Variants in EYS observed in about 807,000 individuals in gnomAD.
EYS encodes protein eyes shut homolog.
A neutral mutation model predicts 282.1 loss-of-function variants in EYS; 250 were observed. The ratio of observed to expected loss-of-function variants is 0.89; its 90% CI spans 0.80 to 0.98. EYS has a LOEUF of 0.98. Ranked by LOEUF, EYS falls within the 50% of genes least tolerant of loss-of-function variation. The probability of loss-of-function intolerance (pLI) is 0.00; values close to 1 mark genes in which losing one functional copy is unlikely to be tolerated. For synonymous variants in EYS, 1,355 were observed against 1,282.9 expected (o/e 1.06, Z -1.20); for missense variants, 4,016 against 3,709.0 (o/e 1.08, Z -2.15).
chr6:64,092,059 T>G lies in EYS; in HGVS notation c.6425-10057A>C, dbSNP rs1405657204. ...GAATGATGGTTTCCAAACTCATCCA[T>G]GTCCCTACAAAGCACATGAACTTAT... On this transcript the variant is annotated intron_variant, in intron 31 of 42. Coordinates refer to ENST00000503581, the MANE Select transcript of EYS (RefSeq NM_001142800.2). Among the ~76,000 whole-genome samples, 3 of 152,218 alleles carry G rather than the reference T, an allele frequency of 2.0e-5. No homozygotes were observed. The East Asian group carries it at 5.8e-4, about 29-fold the overall frequency.
chr6:64,825,544 A>C (rs1765028251), intron 19 of EYS, among the ~76,000 whole-genome samples: 1 of 151,874 alleles, frequency 6.6e-6, no homozygotes, highest in East Asian at 1.9e-4. Flanking sequence ...CAGAAATCCC[A>C]GCCTCTTCCC....
chr6:65,082,813 A>ACG (rs1774262296), intron 12 of EYS, among the ~76,000 whole-genome samples: 1 of 151,596 alleles, frequency 6.6e-6, no homozygotes, highest in Non-Finnish European at 1.5e-5. Context: ...TGATTTTTTC[A>ACG]CTGATATATG....
At chr6:64,824,544 C>G (rs1764993344) in intron 19 of EYS, among the ~76,000 whole-genome samples, 1 of 151,788 alleles carries the variant, frequency 6.6e-6, no homozygotes, top group South Asian at 2.1e-4. Flanking sequence ...CCAAAGACAC[C>G]ACCATTCTAA....
At chr6:65,686,829 G>A (rs1393783662) in intron 1 of EYS, among the ~76,000 whole-genome samples, 1 of 152,004 alleles carries the variant, frequency 6.6e-6, no homozygotes, top group African/African-American at 2.4e-5. Context: ...AATACCTGAA[G>A]CTGGGTATTG....
chr6:64,669,364 AG>A (rs1180026684), intron 22 of EYS, among the ~76,000 whole-genome samples: 7 of 152,054 alleles, frequency 4.6e-5, no homozygotes, highest in Non-Finnish European at 1.0e-4. Flanking sequence ...GATGCAAAAA[AG>A]AGAGAGAGAG....
chr6:64,996,493 T>G (rs1182182104), intron 14 of EYS, among the ~76,000 whole-genome samples: 1 of 152,128 alleles, frequency 6.6e-6, no homozygotes, highest in Non-Finnish European at 1.5e-5. Context: ...GAGACCAGCA[T>G]AGTGTCACAT....
At chr6:64,014,837 C>T (rs1273366903) in intron 33 of EYS, among the ~76,000 whole-genome samples, 1 of 151,356 alleles carries the variant, frequency 6.6e-6, no homozygotes, top group Non-Finnish European at 1.5e-5. Flanking sequence ...TCTAACTGTC[C>T]TTTCTATACC....
chr6:65,222,061 G>C (rs1169440577), intron 12 of EYS, among the ~76,000 whole-genome samples: 2 of 152,130 alleles, frequency 1.3e-5, no homozygotes, highest in African/African-American at 2.4e-5. Flanking sequence ...TAACTAACTT[G>C]CTTTTGATTT....
At chr6:65,504,636 G>A (rs1230851302) in intron 2 of EYS, among the ~76,000 whole-genome samples, 3 of 151,212 alleles carry the variant, frequency 2.0e-5, no homozygotes, top group Admixed American at 2.0e-4. Flanking sequence ...TATTTTTTCT[G>A]TGTCAGTTTA....
chr6:65,531,180 C>T (rs1185142533), intron 2 of EYS, among the ~76,000 whole-genome samples: 1 of 152,076 alleles, frequency 6.6e-6, no homozygotes, highest in East Asian at 1.9e-4. Flanking sequence ...TAAGGAATGC[C>T]ACAGAGTTCA....
At chr6:64,181,148 C>T (rs1314342703) in intron 31 of EYS, among the ~76,000 whole-genome samples, 1 of 152,060 alleles carries the variant, frequency 6.6e-6, no homozygotes, top group East Asian at 1.9e-4. Context: ...AAAACACTGA[C>T]AAAATATAGA....
At chr6:63,834,225 T>C (rs1168381036) in intron 36 of EYS, among the ~76,000 whole-genome samples, 8 of 152,044 alleles carry the variant, frequency 5.3e-5, no homozygotes, top group South Asian at 2.1e-4. Flanking sequence ...CTAATTAAAC[T>C]AAAGAGCTTC....
At chr6:65,321,186 A>T (rs1424116052) in intron 11 of EYS, among the ~76,000 whole-genome samples, 1 of 151,654 alleles carries the variant, frequency 6.6e-6, no homozygotes, top group Non-Finnish European at 1.5e-5. Flanking sequence ...ATTCTGAGAA[A>T]TGGATTAACA....
intron 26 of EYS, among the ~76,000 whole-genome samples, chr6:64,560,498 T>A (rs868657041): frequency 1.3e-5 from 2 of 152,082 alleles, no homozygotes; most frequent in South Asian, 2.1e-4. Context: ...ATATACACTT[T>A]CAATTCGCTT....
chr6:65,462,775 T>A (rs1427185324), intron 5 of EYS, among the ~76,000 whole-genome samples: 1 of 152,246 alleles, frequency 6.6e-6, no homozygotes, highest in Non-Finnish European at 1.5e-5. Flanking sequence ...GTGAGTTATA[T>A]GGCTTACATT....
At chr6:65,670,331 C>T (rs1428928369) in intron 1 of EYS, among the ~76,000 whole-genome samples, 3 of 152,012 alleles carry the variant, frequency 2.0e-5, no homozygotes, top group African/African-American at 7.2e-5. Flanking sequence ...TTTGGTTTCC[C>T]TTATCTCTTT....
chr6:64,641,649 T>A (rs1369555000), intron 22 of EYS, among the ~76,000 whole-genome samples: 1 of 152,154 alleles, frequency 6.6e-6, no homozygotes, highest in African/African-American at 2.4e-5. Flanking sequence ...AAAACTTTAC[T>A]GTGTAAGGCA....
At chr6:65,256,319 G>T (rs1767462934) in intron 12 of EYS, among the ~76,000 whole-genome samples, 3 of 134,108 alleles carry the variant, frequency 2.2e-5, no homozygotes, top group Admixed American at 1.5e-4. Context: ...TGCACATTGT[G>T]CAGGTTAGTT....
intron 39 of EYS, chr6:63,787,278 G>T (rs1330602145): frequency 6.6e-6 from 1 of 152,286 alleles, no homozygotes; most frequent in Non-Finnish European, 1.5e-5. Flanking sequence ...CAAGCACAAT[G>T]TTGTCCTTAA....
Sources: gnomAD v4.1 joint callset for allele counts (sites outside exome capture counted in the v4.1 genomes callset) on GRCh38, gnomAD v4.1.1 for gene constraint, MANE v1.5 for transcripts, NCBI Gene and HGNC (gene_info 2026-07-23, HGNC 2026-07-21) for gene names.